The following CDYL2 variants were observed in gnomAD, a reference collection of about 807,000 sequenced individuals.
The protein encoded by CDYL2 is chromodomain Y-like protein 2.
CDYL2 carries 23 observed loss-of-function variants against 49.4 expected under a neutral mutation model. The observed-to-expected ratio is 0.47, with a 90% CI of 0.34 to 0.66. The LOEUF (loss-of-function observed/expected upper bound fraction) is 0.66, where lower values mean the gene tolerates loss of function less well. Among genes scored for constraint, CDYL2 ranks in the 30% least tolerant of loss-of-function variants. The probability of loss-of-function intolerance (pLI) is 0.01; values close to 1 mark genes in which losing one functional copy is unlikely to be tolerated. For missense variants in CDYL2, 678 were observed against 656.4 expected (o/e 1.03, Z -0.36); for synonymous variants, 360 against 268.8 (o/e 1.34, Z -3.32).
At chr16:80,762,882 G>A (rs1232854414) in intron 1 of CDYL2, among the ~76,000 whole-genome samples, 1 of 152,164 alleles carries the variant, frequency 6.6e-6, no homozygotes, top group Non-Finnish European at 1.5e-5. Flanking sequence ...TGTTACATCT[G>A]TGAGCTTCAT....
At chr16:80,795,197 G>A (rs1403232291) in intron 1 of CDYL2, among the ~76,000 whole-genome samples, 1 of 152,160 alleles carries the variant, frequency 6.6e-6, no homozygotes, top group Non-Finnish European at 1.5e-5. Flanking sequence ...CTCAATAGAG[G>A]AATCTGTAGT....
chr16:80,708,285 G>C (rs1463666864), intron 1 of CDYL2, among the ~76,000 whole-genome samples: 1 of 152,178 alleles, frequency 6.6e-6, no homozygotes. Context: ...AATCACGGGG[G>C]TGGGTTTTTC....
intron 2 of CDYL2, among the ~76,000 whole-genome samples, chr16:80,676,754 G>T (rs944487680): frequency 2.0e-5 from 3 of 152,124 alleles, no homozygotes; most frequent in Non-Finnish European, 2.9e-5. Flanking sequence ...TGGAAATCCA[G>T]GTCATACTGA....
chr16:80,642,876 G>C (rs553825275), intron 2 of CDYL2, among the ~76,000 whole-genome samples: 47 of 152,242 alleles, frequency 3.1e-4, no homozygotes, highest in African/African-American at 1.0e-3. Context: ...TGAGATTTGA[G>C]TGGGGACACA....
At chr16:80,775,293 G>C (rs1403624418) in intron 1 of CDYL2, among the ~76,000 whole-genome samples, 1 of 151,520 alleles carries the variant, frequency 6.6e-6, no homozygotes, top group Non-Finnish European at 1.5e-5. Flanking sequence ...TTATACTTGA[G>C]GAAATGTTAA....
intron 1 of CDYL2, among the ~76,000 whole-genome samples, chr16:80,750,617 A>G (rs1320594763): frequency 6.6e-6 from 1 of 152,140 alleles, no homozygotes; most frequent in Non-Finnish European, 1.5e-5. Context: ...CAAAATTATT[A>G]GAGAGGAGGG....
At chr16:80,704,254 C>A (rs151203436) in intron 1 of CDYL2, among the ~76,000 whole-genome samples, 1 of 152,224 alleles carries the variant, frequency 6.6e-6, no homozygotes, top group African/African-American at 2.4e-5. Flanking sequence ...AGAATTTACA[C>A]AGAAGCACTT....
chr16:80,711,383 G>A (rs1017484748), intron 1 of CDYL2, among the ~76,000 whole-genome samples: 2 of 152,208 alleles, frequency 1.3e-5, no homozygotes, highest in African/African-American at 4.8e-5. Context: ...TTGACAGCTT[G>A]TGGAGGGCTG....
At chr16:80,623,361 C>A (rs762209407) in intron 3 of CDYL2, among the ~76,000 whole-genome samples, 1 of 152,162 alleles carries the variant, frequency 6.6e-6, no homozygotes, top group Non-Finnish European at 1.5e-5. Flanking sequence ...GATGAACCAA[C>A]AAACAAGATG....
At chr16:80,678,428 A>C (rs1211929135) in intron 2 of CDYL2, among the ~76,000 whole-genome samples, 1 of 152,164 alleles carries the variant, frequency 6.6e-6, no homozygotes, top group East Asian at 1.9e-4. Context: ...AAAAACAAAC[A>C]ACCCCATCAA....
At chr16:80,648,641 A>C (rs541833439) in intron 2 of CDYL2, among the ~76,000 whole-genome samples, 12 of 152,144 alleles carry the variant, frequency 7.9e-5, no homozygotes, top group Non-Finnish European at 1.6e-4. Flanking sequence ...TTCCAAACTC[A>C]TTCTACAAGG....
intron 1 of CDYL2, among the ~76,000 whole-genome samples, chr16:80,708,528 A>G (rs1325204795): frequency 6.6e-6 from 1 of 152,186 alleles, no homozygotes; most frequent in Non-Finnish European, 1.5e-5. Flanking sequence ...AGTTATGAGA[A>G]TGAACGAATA....
At chr16:80,690,313 G>A (rs888333236) in intron 1 of CDYL2, among the ~76,000 whole-genome samples, 4 of 151,798 alleles carry the variant, frequency 2.6e-5, no homozygotes, top group South Asian at 2.1e-4. Flanking sequence ...GAGAAGGACT[G>A]GAGCAGTGAG....
intron 2 of CDYL2, among the ~76,000 whole-genome samples, chr16:80,682,068 C>A (rs1465266482): frequency 6.6e-6 from 1 of 152,182 alleles, no homozygotes; most frequent in East Asian, 1.9e-4. Context: ...GGGCTCCACC[C>A]TAGACTTAGG....
chr16:80,725,811 T>G (rs991367055), intron 1 of CDYL2, among the ~76,000 whole-genome samples: 2 of 152,246 alleles, frequency 1.3e-5, no homozygotes, highest in African/African-American at 4.8e-5. Flanking sequence ...GACTGGAATC[T>G]GAATTCTACG....
At chr16:80,606,997 G>T (rs377200591) in intron 6 of CDYL2, among the ~76,000 whole-genome samples, 1 of 152,170 alleles carries the variant, frequency 6.6e-6, no homozygotes, top group Non-Finnish European at 1.5e-5. Context: ...TATCAGCAGC[G>T]TGAGAACAAT....
intron 3 of CDYL2, 94 bp from the exon 4 acceptor site, chr16:80,621,029 G>A: frequency 2.2e-6 from 3 of 1,349,210 alleles, no homozygotes; most frequent in Non-Finnish European, 3.0e-6. Flanking sequence ...CTGACCCCCT[G>A]AGGGTAGAGG....
At chr16:80,752,768 T>C (rs542863580) in intron 1 of CDYL2, among the ~76,000 whole-genome samples, 1 of 152,298 alleles carries the variant, frequency 6.6e-6, no homozygotes, top group East Asian at 1.9e-4. Flanking sequence ...GTGGTGTAAA[T>C]ACTCCCGCTG....
chr16:80,614,441 G>C (rs965084323), intron 4 of CDYL2, among the ~76,000 whole-genome samples: 1 of 152,250 alleles, frequency 6.6e-6, no homozygotes, highest in Non-Finnish European at 1.5e-5. Context: ...GATGGAAGAA[G>C]TCTAGGTTCC....
Sources: allele counts gnomAD v4.1 joint callset (sites outside exome capture counted in the v4.1 genomes callset), GRCh38; gene constraint gnomAD v4.1.1; transcripts MANE v1.5; gene names NCBI Gene and HGNC (gene_info 2026-07-23, HGNC 2026-07-21).